The following COL22A1 variants were observed in gnomAD, a reference collection of about 807,000 sequenced individuals.
COL22A1 encodes the protein collagen type XXII alpha 1 chain, also known as collagen alpha-1(XXII) chain.
Under a neutral mutation model 248.9 loss-of-function variants are expected in COL22A1, and 221 were observed. That is an observed-to-expected ratio of 0.89 (90% CI 0.80 to 0.99). COL22A1 has a LOEUF of 0.99. Among genes scored for constraint, COL22A1 ranks in the 50% least tolerant of loss-of-function variants. The pLI, the probability that COL22A1 is intolerant of heterozygous loss-of-function variation, is 0.00. For synonymous variants in COL22A1, 891 were observed against 793.4 expected (o/e 1.12, Z -2.07); for missense variants, 2,240 against 2,179.0 (o/e 1.03, Z -0.56).
intron 10 of COL22A1, 150 bp from the exon 11 acceptor site, chr8:138,803,084 C>T: frequency 2.9e-6 from 2 of 694,436 alleles, no homozygotes; most frequent in South Asian, 1.6e-5. Context: ...ACATGTCCCA[C>T]CCCTGGAGAG....
At chr8:138,783,314 G>A (rs1444860871) in intron 12 of COL22A1, among the ~76,000 whole-genome samples, 17 of 151,990 alleles carry the variant, frequency 1.1e-4, no homozygotes, top group African/African-American at 4.1e-4. Flanking sequence ...TTTCAAAGGG[G>A]GAGTTTATTA....
intron 54 of COL22A1, 101 bp from the exon 55 acceptor site, chr8:138,616,155 A>G: frequency 1.0e-6 from 1 of 962,524 alleles, no homozygotes; most frequent in South Asian, 1.3e-5. Context: ...GGAGAGGCCC[A>G]GGGGCCCTGT....
intron 40 of COL22A1, among the ~76,000 whole-genome samples, chr8:138,677,252 C>G (rs1014819871): frequency 1.3e-5 from 2 of 152,216 alleles, no homozygotes; most frequent in African/African-American, 4.8e-5. Context: ...TTCCTATGCT[C>G]TAGTTTCCTC....
chr8:138,670,927 C>T (rs1824963147), intron 41 of COL22A1, among the ~76,000 whole-genome samples: 1 of 137,832 alleles, frequency 7.3e-6, no homozygotes, highest in African/African-American at 2.7e-5. Flanking sequence ...CGCCACTGCA[C>T]TCCAGCTTGG....
chr8:138,903,105 T>G (rs1038029431), intron 1 of COL22A1, among the ~76,000 whole-genome samples: 2 of 152,130 alleles, frequency 1.3e-5, no homozygotes, highest in Admixed American at 6.5e-5. Flanking sequence ...AGGAATTAAC[T>G]TATGAATTAT....
At chr8:138,594,729 G>A (rs182256648) in intron 62 of COL22A1, among the ~76,000 whole-genome samples, 14 of 152,316 alleles carry the variant, frequency 9.2e-5, no homozygotes, top group African/African-American at 3.4e-4. Context: ...AACGACGGAA[G>A]CCATAGTAGC....
intron 22 of COL22A1, among the ~76,000 whole-genome samples, chr8:138,751,229 T>C (rs1832571861): frequency 6.6e-6 from 1 of 152,182 alleles, no homozygotes; most frequent in Non-Finnish European, 1.5e-5. Context: ...TATATATGAC[T>C]CCTGGCAGAC....
At chr8:138,813,583 T>C (rs1018302343) in intron 7 of COL22A1, among the ~76,000 whole-genome samples, 1 of 152,194 alleles carries the variant, frequency 6.6e-6, no homozygotes, top group African/African-American at 2.4e-5. Context: ...ATACAACCCC[T>C]TCCTTCCATA....
At chr8:138,606,505 CA>C (rs1462926144) in intron 57 of COL22A1, 53 bp from the exon 58 acceptor site, 2 of 1,561,868 alleles carry the variant, frequency 1.3e-6, no homozygotes, top group East Asian at 2.3e-5. Context: ...CCAACTCAAG[CA>C]GATTTGGAAA....
At chr8:138,822,833 A>C (rs1819255901) in intron 6 of COL22A1, among the ~76,000 whole-genome samples, 1 of 152,016 alleles carries the variant, frequency 6.6e-6, no homozygotes, top group African/African-American at 2.4e-5. Flanking sequence ...TTCTTTGGAC[A>C]TATATCCTCC....
intron 18 of COL22A1, among the ~76,000 whole-genome samples, chr8:138,759,179 C>A (rs865839829): frequency 2.0e-5 from 3 of 152,326 alleles, no homozygotes; most frequent in South Asian, 4.1e-4. Flanking sequence ...CTCCAGCCCC[C>A]ATCCTAAGCT....
chr8:138,618,266 G>C (rs536990859), intron 53 of COL22A1, among the ~76,000 whole-genome samples: 33 of 152,324 alleles, frequency 2.2e-4, no homozygotes, highest in Middle Eastern at 3.4e-3. Context: ...CTGAATCCAG[G>C]TCTTTCTATC....
At position 138,616,902 on chromosome 8, in the gene COL22A1, G is replaced by A. The variant is rs1275518330; in HGVS notation, c.3870+12C>T. On this transcript the variant is annotated intron_variant, in intron 54 of 64. Coordinates refer to ENST00000303045, the MANE Select transcript of COL22A1 (RefSeq NM_152888.3). ...CACCTGGGGGGACCTCCAAAGTGAG[G>A]CGCCCACTTACCCGGGGACCGGGTG... 1 of 1,614,044 alleles carries A rather than the reference G, an allele frequency of 6.2e-7. No individual in the cohort carries two copies.
intron 21 of COL22A1, among the ~76,000 whole-genome samples, chr8:138,753,396 G>A (rs756080180): frequency 4.6e-5 from 7 of 152,116 alleles, no homozygotes; most frequent in Non-Finnish European, 8.8e-5. Flanking sequence ...CACTCCGAAG[G>A]GAATCTTATC....
chr8:138,903,676 T>C (rs1814786828), intron 1 of COL22A1, among the ~76,000 whole-genome samples: 1 of 152,130 alleles, frequency 6.6e-6, no homozygotes, highest in African/African-American at 2.4e-5. Context: ...AGCCAGTCTT[T>C]TGCTTTCAGT....
intron 1 of COL22A1, among the ~76,000 whole-genome samples, chr8:138,887,229 GT>G (rs1308143444): frequency 1.8e-3 from 254 of 139,696 alleles, no homozygotes; most frequent in South Asian, 5.6e-3. Flanking sequence ...GTCTCTCATT[GT>G]TTTTTTTTTT....
At chr8:138,760,828 T>C (rs1833419045) in intron 17 of COL22A1, among the ~76,000 whole-genome samples, 1 of 152,120 alleles carries the variant, frequency 6.6e-6, no homozygotes, top group African/African-American at 2.4e-5. Flanking sequence ...GCTGGGAAGC[T>C]TTCCACCAGC....
chr8:138,771,706 T>C (rs1834380750), intron 16 of COL22A1, among the ~76,000 whole-genome samples: 1 of 152,216 alleles, frequency 6.6e-6, no homozygotes, highest in African/African-American at 2.4e-5. Context: ...GTGAATGTGT[T>C]AGTTATGGAC....
intron 41 of COL22A1, among the ~76,000 whole-genome samples, chr8:138,667,586 T>C (rs774766019): frequency 2.2e-4 from 33 of 152,134 alleles, no homozygotes; most frequent in Non-Finnish European, 4.3e-4. Flanking sequence ...GGGAACCAAG[T>C]CATTATTTGA....
Sources: gnomAD v4.1 joint callset for allele counts (sites outside exome capture counted in the v4.1 genomes callset) on GRCh38, gnomAD v4.1.1 for gene constraint, MANE v1.5 for transcripts, NCBI Gene and HGNC (gene_info 2026-07-23, HGNC 2026-07-21) for gene names.